The following CDH2 variants were observed in gnomAD, a reference collection of about 807,000 sequenced individuals.
The protein encoded by CDH2 is cadherin 2.
In CDH2, 17 loss-of-function variants were observed where a neutral mutation model predicts 92.0. The ratio of observed to expected loss-of-function variants is 0.18; its 90% CI spans 0.13 to 0.28. The LOEUF (loss-of-function observed/expected upper bound fraction) is 0.28. CDH2 is among the 10% of genes least tolerant of loss of function. The pLI, the probability that CDH2 is intolerant of heterozygous loss-of-function variation, is 1.00. For missense variants in CDH2, 862 were observed against 1,133.1 expected (o/e 0.76, Z 3.44); for synonymous variants, 419 against 415.9 (o/e 1.01, Z -0.09).
chr18:28,117,855 T>C (rs1568005093), intron 2 of CDH2, among the ~76,000 whole-genome samples: 1 of 152,080 alleles, frequency 6.6e-6, no homozygotes, highest in Non-Finnish European at 1.5e-5. Context: ...CAATCCCAAG[T>C]TGCCTGACTC....
At chr18:27,974,914 G>A (rs1171574372) in intron 14 of CDH2, among the ~76,000 whole-genome samples, 1 of 152,132 alleles carries the variant, frequency 6.6e-6, no homozygotes, top group Non-Finnish European at 1.5e-5. Context: ...AAGCTACACA[G>A]TTTATGAAAT....
At chr18:28,097,834 A>T (rs1203833372) in intron 2 of CDH2, among the ~76,000 whole-genome samples, 2 of 152,196 alleles carry the variant, frequency 1.3e-5, no homozygotes, top group Non-Finnish European at 2.9e-5. Flanking sequence ...TTGAAATAAG[A>T]GCTAAAAATA....
intron 4 of CDH2, 53 bp from the exon 5 acceptor site, chr18:28,009,925 T>C: frequency 1.4e-6 from 2 of 1,449,426 alleles, no homozygotes; most frequent in South Asian, 2.6e-5. Context: ...GAGCTCATTA[T>C]CAGAGATGGG....
At chr18:27,948,204 AAC>A (rs1329280084), downstream of CDH2, among the ~76,000 whole-genome samples, 1 of 146,276 alleles carries the variant, frequency 6.8e-6, no homozygotes, top group Admixed American at 6.8e-5. Flanking sequence ...TGAAGTTTTT[AAC>A]AAGTGGTGTT....
intron 14 of CDH2, among the ~76,000 whole-genome samples, chr18:27,965,785 C>T (rs1598993996): frequency 1.3e-5 from 2 of 151,954 alleles, no homozygotes; most frequent in South Asian, 2.1e-4. Context: ...GAGTTCAAGA[C>T]CAGCCTGGCC....
intron 2 of CDH2, among the ~76,000 whole-genome samples, chr18:28,098,611 T>G (rs2144227679): frequency 6.6e-6 from 1 of 152,200 alleles, no homozygotes; most frequent in Non-Finnish European, 1.5e-5. Flanking sequence ...ACATCCAGCC[T>G]TCCTGTGCTT....
chr18:28,156,576 A>ATGTCACCTTCCCAGGTACAGC (rs2016218730), intron 1 of CDH2, among the ~76,000 whole-genome samples: 2 of 84,860 alleles, frequency 2.4e-5, no homozygotes, highest in Non-Finnish European at 5.1e-5. Context: ...CCAGGTACAG[A>ATGTCACCTTCCCAGGTACAGC]ATGTCACCTT....
chr18:28,033,500 T>C (rs963550078), intron 2 of CDH2, among the ~76,000 whole-genome samples: 1 of 152,064 alleles, frequency 6.6e-6, no homozygotes, highest in South Asian at 2.1e-4. Context: ...TGTATGTGTA[T>C]GTATGTGTGT....
intron 14 of CDH2, among the ~76,000 whole-genome samples, chr18:27,974,351 G>A (rs1443454): frequency 0.34 from 52,093 of 152,082 alleles, 10,014 homozygotes; most frequent in Non-Finnish European, 0.44. Flanking sequence ...TCTCTGTTTA[G>A]TTCCCAACAA....
chr18:28,017,836 T>TCC (rs1172904367), intron 2 of CDH2, among the ~76,000 whole-genome samples: 1 of 152,024 alleles, frequency 6.6e-6, no homozygotes, highest in Non-Finnish European at 1.5e-5. Flanking sequence ...TTGAAAGCAT[T>TCC]CCCCCTGAAC....
At chr18:27,976,231 C>A (rs765253657) in intron 14 of CDH2, among the ~76,000 whole-genome samples, 3 of 152,150 alleles carry the variant, frequency 2.0e-5, no homozygotes, top group Non-Finnish European at 4.4e-5. Flanking sequence ...GCCTTTATCA[C>A]CTTGAGGCTG....
At chr18:28,097,739 A>C (rs2015160424) in intron 2 of CDH2, among the ~76,000 whole-genome samples, 1 of 152,194 alleles carries the variant, frequency 6.6e-6, no homozygotes, top group East Asian at 1.9e-4. Context: ...GGTTCCTGGA[A>C]CCAATCCTCT....
At chr18:27,978,252 A>G (rs1020467916) in intron 14 of CDH2, among the ~76,000 whole-genome samples, 1 of 75,208 alleles carries the variant, frequency 1.3e-5, no homozygotes, top group Non-Finnish European at 3.2e-5. Context: ...ATCTAAAAAC[A>G]AACAAACTTT....
chr18:28,133,487 C>G (rs1407104817), intron 2 of CDH2, among the ~76,000 whole-genome samples: 2 of 145,460 alleles, frequency 1.4e-5, no homozygotes, highest in Admixed American at 7.3e-5. Context: ...GAGGCTGAGG[C>G]AGGAGAATCG....
chr18:28,132,065 C>T (rs977768289), intron 2 of CDH2, among the ~76,000 whole-genome samples: 6 of 152,076 alleles, frequency 3.9e-5, no homozygotes, highest in South Asian at 2.1e-4. Flanking sequence ...CAGTATGGAC[C>T]CCTTGTTCAA....
intron 2 of CDH2, among the ~76,000 whole-genome samples, chr18:28,131,819 G>A: frequency 6.6e-6 from 1 of 151,906 alleles, no homozygotes; most frequent in East Asian, 1.9e-4. Context: ...ACTTAACGAT[G>A]TCATTAAAAA....
chr18:28,011,491 C>T (rs1216101070), intron 4 of CDH2, among the ~76,000 whole-genome samples: 1 of 152,116 alleles, frequency 6.6e-6, no homozygotes, highest in Non-Finnish European at 1.5e-5. Context: ...CAAAGATCAT[C>T]ACAGAGAGCC....
chr18:28,119,955 T>G (rs1470933841), intron 2 of CDH2, among the ~76,000 whole-genome samples: 1 of 151,990 alleles, frequency 6.6e-6, no homozygotes, highest in Admixed American at 6.6e-5. Context: ...CAAATGACAA[T>G]GAAGGAATCG....
At chr18:28,064,749 C>A (rs1193254056) in intron 2 of CDH2, among the ~76,000 whole-genome samples, 1 of 151,958 alleles carries the variant, frequency 6.6e-6, no homozygotes, top group African/African-American at 2.4e-5. Flanking sequence ...AAATAAATCA[C>A]CAATGTTACT....
Sources: gnomAD v4.1 joint callset for allele counts (sites outside exome capture counted in the v4.1 genomes callset) on GRCh38, gnomAD v4.1.1 for gene constraint, MANE v1.5 for transcripts, NCBI Gene and HGNC (gene_info 2026-07-23, HGNC 2026-07-21) for gene names.